Variants in PCDHA2 observed in about 807,000 individuals in gnomAD.
PCDHA2 encodes the protein protocadherin alpha 2, also known as protocadherin alpha-2.
In PCDHA2, 58 loss-of-function variants were observed where a neutral mutation model predicts 66.0. The ratio of observed to expected loss-of-function variants is 0.88; its 90% CI spans 0.71 to 1.09. The LOEUF is 1.09. Ranked by LOEUF, PCDHA2 falls within the 50% of genes least tolerant of loss-of-function variation. PCDHA2 has a pLI of 0.00. For missense variants in PCDHA2, 1,267 were observed against 1,242.3 expected (o/e 1.02, Z -0.30); for synonymous variants, 634 against 554.0 (o/e 1.14, Z -2.03).
chr5:140,815,739 C>G (rs1177563989), intron 1 of PCDHA2: 1 of 152,090 alleles, frequency 6.6e-6, no homozygotes, highest in African/African-American at 2.4e-5. Context: ...TCAAAAGGCC[C>G]CCTCTTAACA....
intron 1 of PCDHA2, among the ~76,000 whole-genome samples, chr5:140,915,667 G>A (rs2077246554): frequency 1.3e-5 from 2 of 149,888 alleles, no homozygotes; most frequent in Admixed American, 1.3e-4. Flanking sequence ...AAGGTGCTGG[G>A]CCATCTTGAA....
intron 1 of PCDHA2, among the ~76,000 whole-genome samples, chr5:140,965,867 C>T (rs1267904737): frequency 1.3e-5 from 2 of 152,164 alleles, no homozygotes; most frequent in Non-Finnish European, 2.9e-5. Context: ...AAAATAAGGG[C>T]CACTTGGCCG....
At chr5:140,835,990 G>T (rs2150249638) in intron 1 of PCDHA2, 1 of 1,613,318 alleles carries the variant, frequency 6.2e-7, no homozygotes, top group East Asian at 2.2e-5. Context: ...TTCCAGGTGA[G>T]CGCGCGCGAT....
At chr5:140,869,811 C>T (rs1554163508) in intron 1 of PCDHA2, 10 of 1,612,246 alleles carry the variant, frequency 6.2e-6, no homozygotes, top group African/African-American at 2.7e-5. Context: ...TGGATGTCAA[C>T]GACAATGATC....
Position 140,794,886 on chromosome 5 carries a change from G to C in PCDHA2, c.-79G>C, listed in dbSNP as rs1761890592. On this transcript the variant is annotated 5_prime_UTR_variant, in exon 1 of 4. Transcript: ENST00000526136. ...AAGCGGAGGAATAAGAGAAGCAGCA[G>C]GACTTTAACAGAGACTAGAATATTT... 9.8e-6 allele frequency: 14 copies of C among 1,426,462 alleles called. No individual in the cohort carries two copies. Among genetic ancestry groups the C allele is most frequent in the Non-Finnish European group, 1.3e-5 (14 of 1,050,890 alleles). The allele number at this position is 1,426,462 out of a possible 1,614,324, so 88.4% of individuals were successfully genotyped here.
chr5:140,883,841 C>T (rs2059844881), intron 1 of PCDHA2: 1 of 1,612,742 alleles, frequency 6.2e-7, no homozygotes, highest in Non-Finnish European at 8.5e-7. Context: ...GCCGTTGGAC[C>T]ACGAGGAGCT....
intron 1 of PCDHA2, among the ~76,000 whole-genome samples, chr5:140,907,316 A>G (rs2073307783): frequency 6.6e-6 from 1 of 152,194 alleles, no homozygotes; most frequent in African/African-American, 2.4e-5. Flanking sequence ...GAACATGTAA[A>G]GACCAGTGAA....
chr5:140,862,382 G>T, intron 1 of PCDHA2: 1 of 345,046 alleles, frequency 2.9e-6, no homozygotes, highest in South Asian at 2.3e-5. Flanking sequence ...GACTCCTCAC[G>T]TCTCTTCAAG....
Position 140,873,293 on chromosome 5 carries a change from A to G in PCDHA2, c.2388+75941A>G, listed in dbSNP as rs189607123. Reference sequence around the variant, plus strand: ...ACCATCATACCACTTATGAAACTTTATAAATATAATAAAGGTGAATATTAG... The same window carrying G: ...ACCATCATACCACTTATGAAACTTTGTAAATATAATAAAGGTGAATATTAG... On this transcript the variant is annotated intron_variant, in intron 1 of 3. Transcript: ENST00000526136. Among the ~76,000 whole-genome samples, 54 of 152,366 alleles carry G rather than the reference A, an allele frequency of 3.5e-4. No homozygotes were observed. In the East Asian group the frequency reaches 0.01, roughly 29 times the overall value.
At position 140,957,560 on chromosome 5, in the gene PCDHA2, G is replaced by A. The variant is rs940495695; in HGVS notation, c.2389-21389G>A. ...TTAGAAAGTATTCTCTGTGGAAAAGGAGGGACTACTGTACTTTTAACAAAG... is the reference window on the plus strand; with the variant it reads ...TTAGAAAGTATTCTCTGTGGAAAAGAAGGGACTACTGTACTTTTAACAAAG... On this transcript the variant is annotated intron_variant, in intron 1 of 3. Transcript: ENST00000526136. 2.0e-5 allele frequency among the ~76,000 whole-genome samples: 3 copies of A among 152,074 alleles called. No homozygotes were observed. In the East Asian group the frequency reaches 5.8e-4, roughly 29 times the overall value.
intron 1 of PCDHA2, chr5:140,821,762 G>A: frequency 6.3e-7 from 1 of 1,588,934 alleles, no homozygotes; most frequent in African/African-American, 1.3e-5. Context: ...GCTCATAATT[G>A]GAACGAGATT....
intron 1 of PCDHA2, chr5:140,882,163 GC>G: frequency 6.6e-7 from 1 of 1,509,690 alleles, no homozygotes; most frequent in Non-Finnish European, 8.9e-7. Flanking sequence ...AATACCTCTT[GC>G]GAATCCTTCC....
At chr5:140,892,894 TC>T (rs1198816126) in intron 1 of PCDHA2, among the ~76,000 whole-genome samples, 8 of 152,158 alleles carry the variant, frequency 5.3e-5, no homozygotes, top group Non-Finnish European at 7.4e-5. Context: ...AACCAACCTT[TC>T]CCCATCCTCC....
In PCDHA2 at chr5:140,870,868, G is replaced by T. The variant is rs550915753; in HGVS notation, c.2388+73516G>T. 2.5e-6 allele frequency: 4 copies of T among 1,613,944 alleles called. No homozygotes were observed. The South Asian group carries it at 3.3e-5, about 13-fold the overall frequency. ...ACCGCGGTCGGTGGGTGCGGGCCAC[G>T]TGGTGGCGAAGGTGCGCGCAGTGGA... On this transcript the variant is annotated intron_variant, in intron 1 of 3. Coordinates refer to ENST00000526136, the MANE Select transcript of PCDHA2 (RefSeq NM_018905.3).
chr5:140,816,150 C>T (rs2126669751), intron 1 of PCDHA2: 12 of 152,162 alleles, frequency 7.9e-5, no homozygotes, highest in African/African-American at 2.9e-4. Flanking sequence ...GAGCAGCCTG[C>T]TCGAGGATGT....
rs535622037 is a variant in PCDHA2 at position 140,926,265 on chromosome 5, G to T, written c.2389-52684G>T. The T allele has an allele frequency of 8.1e-3, 1,228 of 152,360 alleles. 6 individuals carry two copies. The highest frequency in any genetic ancestry group is 0.019 in the African/African-American group (792 of 41,548). 9.4% of individuals were successfully genotyped at this position (152,360 alleles called of 1,614,324 possible). ...CACGTTCACCGTCCCGCCTCTCGCC[G>T]CCTCCGCTCGGCAGCTCCACGCTGA... is the stretch of plus-strand genomic sequence containing the variant. On this transcript the variant is annotated intron_variant, in intron 1 of 3. Transcript: ENST00000526136.
At chr5:140,822,164 C>T (rs2150114205) in intron 1 of PCDHA2, 3 of 1,614,200 alleles carry the variant, frequency 1.9e-6, no homozygotes, top group East Asian at 4.5e-5. Context: ...GACAATCCGC[C>T]CAGGTTCTCC....
intron 1 of PCDHA2, chr5:140,929,344 A>G: frequency 6.5e-7 from 1 of 1,531,050 alleles, no homozygotes; most frequent in South Asian, 1.3e-5. Flanking sequence ...ATTTTATGGA[A>G]TTTGATTCCT....
intron 1 of PCDHA2, among the ~76,000 whole-genome samples, chr5:140,964,622 T>C (rs1435749865): frequency 2.0e-5 from 3 of 152,048 alleles, no homozygotes; most frequent in Non-Finnish European, 4.4e-5. Flanking sequence ...ATTCCACTTA[T>C]AAGCCATTTA....
Sources: gnomAD v4.1 joint callset for allele counts (sites outside exome capture counted in the v4.1 genomes callset) on GRCh38, gnomAD v4.1.1 for gene constraint, MANE v1.5 for transcripts, NCBI Gene and HGNC (gene_info 2026-07-23, HGNC 2026-07-21) for gene names.